ATP8B1: variants seen among roughly 807,000 people sequenced by gnomAD.
ATP8B1 encodes the protein ATPase phospholipid transporting 8B1.
ATP8B1 carries 80 observed loss-of-function variants against 149.9 expected under a neutral mutation model. The ratio of observed to expected loss-of-function variants is 0.53; its 90% CI spans 0.45 to 0.64. The LOEUF is 0.64. ATP8B1 is among the 30% of genes least tolerant of loss of function. ATP8B1 has a pLI of 0.00. For synonymous variants in ATP8B1, 536 were observed against 562.8 expected (o/e 0.95, Z 0.67); for missense variants, 1,247 against 1,552.6 (o/e 0.80, Z 3.31).
rs1376578283 is a variant in ATP8B1 at position 57,648,655 on chromosome 18, C to G, written c.3589G>C (p.Val1197Leu). The G allele has an allele frequency of 1.9e-6, 3 of 1,585,066 alleles. No homozygotes were observed. Among genetic ancestry groups the G allele is most frequent in the East Asian group, 2.3e-5 (1 of 43,120 alleles). ...CGCGTTGACACGCCCCGGCGGAACA[C>G]CTGCTGCCGTCGCTGCCACTGCTCC... ...AEEQWQRRQQVFRRGVSTRRS... is the reference protein window; with the variant it reads ...AEEQWQRRQQLFRRGVSTRRS... The change falls in exon 28 of 28, where the codon GTG (valine) becomes CTG (leucine). Residue 1197 changes from valine to leucine, a missense_variant. By Grantham distance (32) the Val-to-Leu change is conservative. Transcript: ENST00000648908.
At chr18:57,768,426 GA>G (rs905998194) in intron 1 of ATP8B1, among the ~76,000 whole-genome samples, 3 of 129,712 alleles carry the variant, frequency 2.3e-5, no homozygotes, top group Non-Finnish European at 3.3e-5. Flanking sequence ...GAAAAGAAAA[GA>G]AAAAAAAGAA....
chr18:57,693,411 T>A (rs1912640895), intron 11 of ATP8B1, among the ~76,000 whole-genome samples: 1 of 152,106 alleles, frequency 6.6e-6, no homozygotes, highest in Non-Finnish European at 1.5e-5. Context: ...TATTCTCTGA[T>A]AAGAATAGCT....
intron 20 of ATP8B1, 111 bp from the exon 21 acceptor site, chr18:57,662,726 CT>C: frequency 8.2e-7 from 1 of 1,219,950 alleles, no homozygotes; most frequent in Non-Finnish European, 1.2e-6. Context: ...AGTTTACCAT[CT>C]TACCTATTTT....
chr18:57,651,512 A>G (rs910951615), intron 26 of ATP8B1, among the ~76,000 whole-genome samples: 6 of 152,168 alleles, frequency 3.9e-5, no homozygotes, highest in African/African-American at 1.2e-4. Flanking sequence ...AGCTATTTTA[A>G]TTTGTCTTCC....
chr18:57,700,726 C>T (rs369031170), intron 6 of ATP8B1, among the ~76,000 whole-genome samples: 16 of 152,236 alleles, frequency 1.1e-4, no homozygotes, highest in Admixed American at 8.5e-4. Context: ...TGAGACCAGC[C>T]TGGCCAACAT....
chr18:57,731,392 C>G, intron 2 of ATP8B1: 3 of 415,406 alleles, frequency 7.2e-6, no homozygotes, highest in South Asian at 2.2e-5. Context: ...CTAACAAAGA[C>G]CTTAATGTAT....
chr18:57,787,582 C>T (rs562367267), intron 1 of ATP8B1, among the ~76,000 whole-genome samples: 1 of 152,254 alleles, frequency 6.6e-6, no homozygotes, highest in Admixed American at 6.5e-5. Context: ...GTGTTGGCTC[C>T]GCTATACCAT....
intron 2 of ATP8B1, among the ~76,000 whole-genome samples, chr18:57,718,181 C>A (rs1317001750): frequency 2.3e-5 from 3 of 128,550 alleles, no homozygotes; most frequent in Non-Finnish European, 4.9e-5. Flanking sequence ...GAAGACATTA[C>A]AACTGTTACC....
chr18:57,701,543 T>G (rs1913122648), intron 4 of ATP8B1, among the ~76,000 whole-genome samples: 1 of 152,214 alleles, frequency 6.6e-6, no homozygotes, highest in Non-Finnish European at 1.5e-5. Flanking sequence ...CAGTGGCTCC[T>G]GAAATTATCT....
intron 11 of ATP8B1, among the ~76,000 whole-genome samples, chr18:57,693,898 G>A (rs952106105): frequency 1.3e-5 from 2 of 152,116 alleles, no homozygotes; most frequent in African/African-American, 4.8e-5. Context: ...ATTAATTGCT[G>A]CTGGGAGAAT....
At position 57,775,359 on chromosome 18, in the gene ATP8B1, G is replaced by A. The variant is rs972166359; in HGVS notation, c.-26+27639C>T. ...GAGAAGGAAGGAGGGGGAGAGAGACGAAAGAAAGAAAAAGAAAGGAGGAGG... is the reference window on the plus strand; with the variant it reads ...GAGAAGGAAGGAGGGGGAGAGAGACAAAAGAAAGAAAAAGAAAGGAGGAGG... On this transcript the variant is annotated intron_variant, in intron 1 of 27. Coordinates refer to ENST00000648908, the MANE Select transcript of ATP8B1 (RefSeq NM_001374385.1). Among the ~76,000 whole-genome samples the A allele has an allele frequency of 6.0e-5, 9 of 150,976 alleles. No individual in the cohort carries two copies. The East Asian group carries it at 1.6e-3, about 26-fold the overall frequency.
At chr18:57,770,067 A>ATT (rs67664390) in intron 1 of ATP8B1, among the ~76,000 whole-genome samples, 8,773 of 133,884 alleles carry the variant, frequency 0.066, 559 homozygotes, top group African/African-American at 0.16. Flanking sequence ...GCTGAACTGC[A>ATT]TTTTTTTTTT....
At chr18:57,770,971 C>T (rs886899105) in intron 1 of ATP8B1, among the ~76,000 whole-genome samples, 2 of 152,260 alleles carry the variant, frequency 1.3e-5, no homozygotes, top group African/African-American at 4.8e-5. Flanking sequence ...TCAAGCGATT[C>T]TCCTGCCTCA....
chr18:57,706,409 G>A, intron 3 of ATP8B1, 81 bp downstream of exon 3: 1 of 1,110,962 alleles, frequency 9.0e-7, no homozygotes, highest in Non-Finnish European at 1.4e-6. Flanking sequence ...GAAGGCAGGT[G>A]TAGCATGAAG....
At chr18:57,745,137 G>T (rs1334426593) in intron 1 of ATP8B1, among the ~76,000 whole-genome samples, 2 of 152,144 alleles carry the variant, frequency 1.3e-5, no homozygotes, top group Non-Finnish European at 2.9e-5. Flanking sequence ...CTTGCTGCTG[G>T]CCTTGAAATT....
chr18:57,791,595 C>A (rs2663854), intron 1 of ATP8B1, among the ~76,000 whole-genome samples: 23 of 151,866 alleles, frequency 1.5e-4, no homozygotes, highest in African/African-American at 5.5e-4. Flanking sequence ...CCCCCAGCCT[C>A]GGCCTCCCAA....
Position 57,646,685 on chromosome 18 carries a change from A to T in ATP8B1, c.*1803T>A, listed in dbSNP as rs1909198779. 6.6e-6 allele frequency: 1 copy of T among 152,620 alleles called. No homozygotes were observed. Among genetic ancestry groups the T allele is most frequent in the Non-Finnish European group, 1.5e-5 (1 of 68,036 alleles). The allele number at this position is 152,620 out of a possible 1,614,324, so 9.5% of individuals were successfully genotyped here. ...GCTAAGTTTTCTGTAAAAAAAGAAA[A>T]AACTTACAATTTTTTATTTACAAGT... On this transcript the variant is annotated 3_prime_UTR_variant, in exon 28 of 28. Coordinates refer to ENST00000648908, the MANE Select transcript of ATP8B1 (RefSeq NM_001374385.1).
intron 20 of ATP8B1, among the ~76,000 whole-genome samples, chr18:57,663,610 T>C (rs1333185723): frequency 6.6e-6 from 1 of 152,168 alleles, no homozygotes; most frequent in African/African-American, 2.4e-5. Context: ...TTGTTTTTGA[T>C]AGTAGCCATC....
In ATP8B1 at chr18:57,680,047, G is replaced by A. The variant is rs1205434565; in HGVS notation, c.1630+3989C>T. 4.0e-5 allele frequency among the ~76,000 whole-genome samples: 6 copies of A among 150,454 alleles called. No homozygotes were observed. In the South Asian group the frequency reaches 8.4e-4, roughly 21 times the overall value. The stretch of plus-strand genomic sequence containing the variant: ...TCCCAGTGCTTTGGGAGGCTGAGGC[G>A]GGTGGATCACCTGAGGTTAGGAGTT... On this transcript the variant is annotated intron_variant, in intron 15 of 27. Coordinates refer to ENST00000648908, the MANE Select transcript of ATP8B1 (RefSeq NM_001374385.1).
Sources: allele counts gnomAD v4.1 joint callset (sites outside exome capture counted in the v4.1 genomes callset), GRCh38; gene constraint gnomAD v4.1.1; transcripts MANE v1.5; gene names NCBI Gene and HGNC (gene_info 2026-07-23, HGNC 2026-07-21).